Variants in KLHL18 observed in about 807,000 individuals in gnomAD.
KLHL18 encodes kelch like family member 18, also known as kelch-like protein 18.
KLHL18 carries 38 observed loss-of-function variants against 58.5 expected under a neutral mutation model. The observed-to-expected ratio is 0.65, with a 90% CI of 0.50 to 0.85. KLHL18 has a LOEUF of 0.85. KLHL18 is among the 40% of genes least tolerant of loss of function. KLHL18 has a pLI of 0.00. For synonymous variants in KLHL18, 303 were observed against 301.9 expected (o/e 1.00, Z -0.04); for missense variants, 624 against 778.4 (o/e 0.80, Z 2.36).
At chr3:47,330,286 A>T (rs1576177072) in intron 4 of KLHL18, 137 bp downstream of exon 4, 2 of 738,834 alleles carry the variant, frequency 2.7e-6, no homozygotes, top group South Asian at 1.8e-5. Flanking sequence ...GGCTTGTTTT[A>T]CTGTATCATG....
chr3:47,324,294 CTTTCTTTTTTT>C (rs1183757179), intron 3 of KLHL18, among the ~76,000 whole-genome samples: 8 of 10,616 alleles, frequency 7.5e-4, no homozygotes, highest in Admixed American at 1.6e-3. Context: ...CTTTTTCTTT[CTTTCTTTTTTT>C]TTTTTTTTTT....
chr3:47,293,477 A>G (rs1702832076), intron 1 of KLHL18, among the ~76,000 whole-genome samples: 1 of 152,206 alleles, frequency 6.6e-6, no homozygotes, highest in African/African-American at 2.4e-5. Flanking sequence ...TTGGTGCCTC[A>G]GCTGTTAAGA....
chr3:47,339,526 G>A (rs1704060503), intron 7 of KLHL18, among the ~76,000 whole-genome samples: 1 of 151,482 alleles, frequency 6.6e-6, no homozygotes, highest in Admixed American at 6.6e-5. Flanking sequence ...CAAATGTAGA[G>A]TACCTAACAC....
At chr3:47,299,273 C>T (rs1380735386) in intron 1 of KLHL18, among the ~76,000 whole-genome samples, 1 of 152,158 alleles carries the variant, frequency 6.6e-6, no homozygotes, top group African/African-American at 2.4e-5. Flanking sequence ...AATTAGTAGA[C>T]TTTAGTTGAG....
intron 1 of KLHL18, among the ~76,000 whole-genome samples, chr3:47,294,219 C>G (rs1312843761): frequency 6.6e-6 from 1 of 152,128 alleles, no homozygotes; most frequent in East Asian, 1.9e-4. Context: ...TAATTCTGAT[C>G]TTATTCTGCT....
At chr3:47,317,383 A>C (rs1703480638) in intron 1 of KLHL18, among the ~76,000 whole-genome samples, 1 of 152,082 alleles carries the variant, frequency 6.6e-6, no homozygotes, top group Non-Finnish European at 1.5e-5. Flanking sequence ...CAAAGTGCTG[A>C]GATTACAGGT....
chr3:47,296,544 T>C (rs1702900314), intron 1 of KLHL18, among the ~76,000 whole-genome samples: 1 of 151,998 alleles, frequency 6.6e-6, no homozygotes, highest in African/African-American at 2.4e-5. Context: ...AAAGGCAGAG[T>C]CTGATAAATT....
intron 3 of KLHL18, among the ~76,000 whole-genome samples, chr3:47,327,095 C>T (rs752965575): frequency 1.3e-5 from 2 of 151,556 alleles, no homozygotes; most frequent in Admixed American, 6.6e-5. Context: ...AAAAATGAGC[C>T]GGCCGTGGTG....
At chr3:47,326,486 C>T (rs1703725284) in intron 3 of KLHL18, among the ~76,000 whole-genome samples, 1 of 152,030 alleles carries the variant, frequency 6.6e-6, no homozygotes, top group African/African-American at 2.4e-5. Context: ...GTTTATTTTC[C>T]CTCATATCTC....
chr3:47,292,474 CAA>C (rs77651411), intron 1 of KLHL18, among the ~76,000 whole-genome samples: 3 of 131,556 alleles, frequency 2.3e-5, no homozygotes, highest in African/African-American at 5.6e-5. Context: ...AACTCCATCT[CAA>C]AAAAAAAAAA....
rs1398581665 is a variant in KLHL18 at position 47,283,104 on chromosome 3, A to T, written c.129+10A>T. The T allele has an allele frequency of 4.5e-6, 7 of 1,567,580 alleles. No homozygotes were observed. The East Asian group carries it at 1.6e-4, about 37-fold the overall frequency. ...CGACGTGACCCTCAAGGTACCGCGG[A>T]CTGGGCGGCAGCGGGCTGAGGGAAA... On this transcript the variant is annotated intron_variant, in intron 1 of 9. Coordinates refer to ENST00000232766, the MANE Select transcript of KLHL18 (RefSeq NM_025010.5).
chr3:47,297,904 G>A (rs1702930367), intron 1 of KLHL18, among the ~76,000 whole-genome samples: 1 of 152,172 alleles, frequency 6.6e-6, no homozygotes, highest in Admixed American at 6.5e-5. Context: ...CCACAGAAAG[G>A]AGAGAGCTGA....
rs192271070 is a variant in KLHL18 at position 47,342,629 on chromosome 3, C to A, written c.1227-90C>A. 9.6e-5 allele frequency: 95 copies of A among 990,226 alleles called. No individual in the cohort carries two copies. The East Asian group carries it at 2.3e-3, about 24-fold the overall frequency. The allele number at this position is 990,226 out of a possible 1,614,324, so 61.3% of individuals were successfully genotyped here. On this transcript the variant is annotated intron_variant, in intron 8 of 9. Transcript: ENST00000232766. ...TGATAAGAGATGGAGAGATGGCCAG[C>A]ACAGTTCACCTAAACCCTGCTAGGC...
At chr3:47,301,471 T>C (rs1160801964) in intron 1 of KLHL18, among the ~76,000 whole-genome samples, 1 of 152,194 alleles carries the variant, frequency 6.6e-6, no homozygotes, top group Non-Finnish European at 1.5e-5. Flanking sequence ...CCATTGATAG[T>C]TGAAGAAACT....
chr3:47,282,999 C>G lies in KLHL18; in HGVS notation c.34C>G (p.Leu12Val), dbSNP rs960947396. 2.5e-6 allele frequency: 4 copies of G among 1,611,242 alleles called. No homozygotes were observed. Among genetic ancestry groups the G allele is most frequent in the Non-Finnish European group, 3.4e-6 (4 of 1,179,058 alleles). The change falls in exon 1 of 10, where the codon CTG becomes GTG. Residue 12 changes from leucine (L) to valine (V), a missense_variant. Transcript: ENST00000232766. The part of the protein sequence containing the change: ...VEDGAEELED[L>V]VHFSVSELPS... The stretch of plus-strand genomic sequence containing the variant: ...GGACGGCGCGGAGGAGCTGGAGGAT[C>G]TGGTGCACTTCTCCGTGTCTGAGTT...
intron 6 of KLHL18, among the ~76,000 whole-genome samples, 198 bp downstream of exon 6, chr3:47,335,017 G>A (rs943140226): frequency 9.2e-5 from 14 of 152,194 alleles, no homozygotes; most frequent in African/African-American, 3.4e-4. Flanking sequence ...GTGCTAAAGA[G>A]ACCTTCTAGA....
chr3:47,345,375 C>T lies in KLHL18; in HGVS notation c.*1434C>T, dbSNP rs567033556. 1 of 152,676 alleles carries T rather than the reference C, an allele frequency of 6.5e-6. No individual in the cohort carries two copies. The highest frequency in any genetic ancestry group is 2.4e-5 in the African/African-American group (1 of 41,460). 9.5% of individuals were successfully genotyped at this position (152,676 alleles called of 1,614,324 possible). The stretch of plus-strand genomic sequence containing the variant: ...GGTGGACCTTTACATTCAAGCACAG[C>T]TGGCTTTTATGACATAAAGAACTAA... On this transcript the variant is annotated 3_prime_UTR_variant, in exon 10 of 10. Transcript: ENST00000232766.
chr3:47,319,573 G>C, intron 1 of KLHL18, 80 bp from the exon 2 acceptor site: 2 of 1,503,928 alleles, frequency 1.3e-6, no homozygotes, highest in Non-Finnish European at 9.1e-7. Context: ...CCGGGCGGAG[G>C]GGCAGGGTGG....
chr3:47,294,954 G>A (rs958154717), intron 1 of KLHL18, among the ~76,000 whole-genome samples: 2 of 151,972 alleles, frequency 1.3e-5, no homozygotes, highest in Non-Finnish European at 2.9e-5. Context: ...TCAGAGGTTA[G>A]AAACTTGTCA....
Sources: gnomAD v4.1 joint callset for allele counts (sites outside exome capture counted in the v4.1 genomes callset) on GRCh38, gnomAD v4.1.1 for gene constraint, MANE v1.5 for transcripts, NCBI Gene and HGNC (gene_info 2026-07-23, HGNC 2026-07-21) for gene names.